CA10: variants seen among roughly 807,000 people sequenced by gnomAD.
The protein encoded by CA10 is carbonic anhydrase 10 (inactive), also known as carbonic anhydrase-related protein 10.
A neutral mutation model predicts 44.2 loss-of-function variants in CA10; 14 were observed. That is an observed-to-expected ratio of 0.32 (90% CI 0.21 to 0.50). CA10 has a LOEUF of 0.50. CA10 is among the 20% of genes least tolerant of loss of function. The pLI, the probability that CA10 is intolerant of heterozygous loss-of-function variation, is 0.99. For missense variants in CA10, 350 were observed against 409.7 expected (o/e 0.85, Z 1.26); for synonymous variants, 159 against 141.6 (o/e 1.12, Z -0.87).
At chr17:52,055,538 G>C (rs1431250386) in intron 2 of CA10, among the ~76,000 whole-genome samples, 1 of 152,028 alleles carries the variant, frequency 6.6e-6, no homozygotes, top group Non-Finnish European at 1.5e-5. Context: ...GAGGCTCCAA[G>C]AATGTATTCA....
rs903072595 is a variant in CA10 at position 52,157,931 on chromosome 17, G to A, written c.-145C>T. ...CCCACCCGACAGCCGGCCAGGGACAGTCACCCCCAAGATCAATATCGCAGT... is the reference window on the plus strand; with the variant it reads ...CCCACCCGACAGCCGGCCAGGGACAATCACCCCCAAGATCAATATCGCAGT... On this transcript the variant is annotated 5_prime_UTR_variant, in exon 1 of 9. Coordinates refer to ENST00000451037, the MANE Select transcript of CA10 (RefSeq NM_020178.5). 1 of 721,464 alleles carries A rather than the reference G, an allele frequency of 1.4e-6. No individual in the cohort carries two copies. The highest frequency in any genetic ancestry group is 2.5e-6 in the Non-Finnish European group (1 of 396,656). 44.7% of individuals were successfully genotyped at this position (721,464 alleles called of 1,614,324 possible). A position where few individuals can be genotyped will look rare whatever the true frequency, so the allele number is the denominator to read the frequency against.
intron 3 of CA10, among the ~76,000 whole-genome samples, chr17:51,870,532 C>T (rs1438271098): frequency 1.3e-5 from 2 of 152,200 alleles, no homozygotes; most frequent in Non-Finnish European, 2.9e-5. Flanking sequence ...TCCATAAAAG[C>T]TATGAAATAA....
At chr17:52,139,451 AT>A (rs57107629) in intron 1 of CA10, among the ~76,000 whole-genome samples, 41,159 of 140,434 alleles carry the variant, frequency 0.29, 6,846 homozygotes, top group East Asian at 0.72. Flanking sequence ...AGACAAGGTG[AT>A]TTTTTTTTTT....
chr17:51,835,884 C>A (rs1315065148), intron 3 of CA10, among the ~76,000 whole-genome samples: 5 of 152,030 alleles, frequency 3.3e-5, no homozygotes, highest in Non-Finnish European at 7.4e-5. Context: ...CAAGGAAGGT[C>A]AGAGAAGATG....
chr17:51,720,945 G>C (rs1037121776), intron 4 of CA10, among the ~76,000 whole-genome samples: 3 of 152,190 alleles, frequency 2.0e-5, no homozygotes, highest in Non-Finnish European at 4.4e-5. Flanking sequence ...ATGTCAATTA[G>C]CTTGATTTAC....
chr17:51,781,102 G>A (rs943848348), intron 3 of CA10, among the ~76,000 whole-genome samples: 1 of 152,180 alleles, frequency 6.6e-6, no homozygotes, highest in Admixed American at 6.5e-5. Context: ...GAGGGAAGGC[G>A]TGACAAGATG....
chr17:51,746,557 G>A (rs1241706047), intron 4 of CA10, among the ~76,000 whole-genome samples: 1 of 152,184 alleles, frequency 6.6e-6, no homozygotes, highest in Non-Finnish European at 1.5e-5. Context: ...CTTCCTTTGA[G>A]TTTGCCAGGG....
At chr17:52,050,656 T>G (rs1406244713) in intron 2 of CA10, among the ~76,000 whole-genome samples, 1 of 152,028 alleles carries the variant, frequency 6.6e-6, no homozygotes, top group East Asian at 1.9e-4. Context: ...CATGCCAAGC[T>G]CTTTCTCACT....
chr17:51,880,960 G>T (rs1980337329), intron 3 of CA10, among the ~76,000 whole-genome samples: 1 of 90 alleles, frequency 0.011, no homozygotes, highest in African/African-American at 0.062. Context: ...TTATCGGCCG[G>T]GCGCGGGTGG....
chr17:51,992,061 T>C (rs1440796166), intron 2 of CA10, among the ~76,000 whole-genome samples: 2 of 152,092 alleles, frequency 1.3e-5, no homozygotes, highest in Non-Finnish European at 1.5e-5. Flanking sequence ...TCATGAATGT[T>C]GACATTCGTT....
At chr17:52,057,614 T>A (rs1011702742) in intron 2 of CA10, among the ~76,000 whole-genome samples, 25 of 152,024 alleles carry the variant, frequency 1.6e-4, no homozygotes, top group African/African-American at 6.0e-4. Context: ...GGGGTCAGCA[T>A]CCCTAATCAC....
chr17:52,057,110 T>A (rs1987250054), intron 2 of CA10, among the ~76,000 whole-genome samples: 1 of 152,108 alleles, frequency 6.6e-6, no homozygotes, highest in Admixed American at 6.6e-5. Flanking sequence ...CCCCATCAAA[T>A]TCTATGTAAA....
At chr17:52,022,186 C>T (rs894765162) in intron 2 of CA10, among the ~76,000 whole-genome samples, 2 of 152,040 alleles carry the variant, frequency 1.3e-5, no homozygotes, top group Admixed American at 6.6e-5. Context: ...CCCTGAAGAA[C>T]ACAGATATGA....
Position 51,721,774 on chromosome 17 carries a change from C to T in CA10, c.465+25859G>A, listed in dbSNP as rs374351332. On this transcript the variant is annotated intron_variant, in intron 4 of 8. Transcript: ENST00000451037. ...TGGTGAACATATTGAGGTGCTGAGA[C>T]GGTGGTGCACCCAAAGAAGGCCTAG... Among the ~76,000 whole-genome samples the T allele has an allele frequency of 1.1e-4, 17 of 152,212 alleles. 1 individual carries two copies. The East Asian group carries it at 2.1e-3, about 19-fold the overall frequency.
chr17:51,956,373 C>A (rs919327770), intron 2 of CA10, among the ~76,000 whole-genome samples: 1 of 152,086 alleles, frequency 6.6e-6, no homozygotes, highest in Non-Finnish European at 1.5e-5. Flanking sequence ...TGTTGTTGTA[C>A]ACATATGACC....
chr17:52,066,999 G>T (rs1987554810), intron 2 of CA10, among the ~76,000 whole-genome samples: 1 of 152,214 alleles, frequency 6.6e-6, no homozygotes, highest in Admixed American at 6.5e-5. Flanking sequence ...TAAAAGTTTG[G>T]AAAGTTTGCA....
chr17:51,871,866 A>T (rs1309594473), intron 3 of CA10, among the ~76,000 whole-genome samples: 2 of 152,202 alleles, frequency 1.3e-5, no homozygotes, highest in Non-Finnish European at 2.9e-5. Flanking sequence ...GAGAGAGTTC[A>T]TCATGTACCT....
chr17:51,781,275 G>A (rs931253141), intron 3 of CA10, among the ~76,000 whole-genome samples: 1 of 152,186 alleles, frequency 6.6e-6, no homozygotes. Flanking sequence ...TATAATATCT[G>A]AGATAAATCC....
intron 1 of CA10, among the ~76,000 whole-genome samples, chr17:52,075,309 C>T (rs1598201638): frequency 6.6e-6 from 1 of 152,114 alleles, no homozygotes; most frequent in Non-Finnish European, 1.5e-5. Context: ...ACACAAATAA[C>T]AACTTCATAT....
Sources: gnomAD v4.1 joint callset for allele counts (sites outside exome capture counted in the v4.1 genomes callset) on GRCh38, gnomAD v4.1.1 for gene constraint, MANE v1.5 for transcripts, NCBI Gene and HGNC (gene_info 2026-07-23, HGNC 2026-07-21) for gene names.